GLT8D2: variants seen among roughly 807,000 people sequenced by gnomAD.
The protein encoded by GLT8D2 is glycosyltransferase 8 domain containing 2.
A neutral mutation model predicts 44.5 loss-of-function variants in GLT8D2; 45 were observed. The observed-to-expected ratio is 1.01, with a 90% CI of 0.80 to 1.30. GLT8D2 has a LOEUF of 1.30. GLT8D2 is among the 50% of genes most tolerant of loss of function. The pLI is 0.00. For synonymous variants in GLT8D2, 156 were observed against 157.2 expected (o/e 0.99, Z 0.06); for missense variants, 400 against 430.4 (o/e 0.93, Z 0.62).
chr12:104,045,916 A>AAAGAAAGG (rs1881047169), intron 1 of GLT8D2, among the ~76,000 whole-genome samples: 1 of 148,514 alleles, frequency 6.7e-6, no homozygotes, highest in African/African-American at 2.5e-5. Context: ...AGAAAGAAAG[A>AAAGAAAGG]AAGAAAGAAA....
chr12:104,022,391 T>C (rs1009776033), intron 1 of GLT8D2, among the ~76,000 whole-genome samples: 2 of 152,170 alleles, frequency 1.3e-5, no homozygotes, highest in African/African-American at 2.4e-5. Context: ...GATATGCCTG[T>C]TTCACATTGT....
chr12:104,003,838 C>A (rs187655361), intron 4 of GLT8D2, among the ~76,000 whole-genome samples: 1 of 152,092 alleles, frequency 6.6e-6, no homozygotes, highest in African/African-American at 2.4e-5. Flanking sequence ...AACCATACCC[C>A]CAAAGAGTTA....
At chr12:104,016,701 A>G (rs367696342) in intron 3 of GLT8D2, among the ~76,000 whole-genome samples, 4 of 100,030 alleles carry the variant, frequency 4.0e-5, no homozygotes, top group African/African-American at 6.9e-5. Flanking sequence ...GAAAGAAAGA[A>G]AGGGAGAGAG....
chr12:104,014,451 A>T (rs79512011), intron 4 of GLT8D2: 17,627 of 583,890 alleles, frequency 0.03, 533 homozygotes, highest in South Asian at 0.088. Flanking sequence ...TGAAGGTGCC[A>T]TCTCAGGCAA....
chr12:103,992,657 G>A (rs888741578), intron 10 of GLT8D2, among the ~76,000 whole-genome samples: 42 of 151,888 alleles, frequency 2.8e-4, no homozygotes, highest in Admixed American at 1.4e-3. Flanking sequence ...CATGCCCAGC[G>A]AATTTTTATA....
At chr12:103,990,932 T>C (rs1418570063) in intron 10 of GLT8D2, among the ~76,000 whole-genome samples, 1 of 152,214 alleles carries the variant, frequency 6.6e-6, no homozygotes, top group Admixed American at 6.5e-5. Flanking sequence ...TAGCTAAATA[T>C]ATTTTGTAAA....
intron 1 of GLT8D2, among the ~76,000 whole-genome samples, chr12:104,041,698 A>G (rs1880570643): frequency 6.6e-6 from 1 of 152,218 alleles, no homozygotes; most frequent in Non-Finnish European, 1.5e-5. Context: ...CTCAACCTCT[A>G]CGAATATACC....
intron 1 of GLT8D2, among the ~76,000 whole-genome samples, chr12:104,024,898 C>T (rs1878355980): frequency 1.3e-5 from 2 of 151,820 alleles, no homozygotes; most frequent in African/African-American, 4.8e-5. Flanking sequence ...TGGTGAAACC[C>T]TTTCTCTACT....
At chr12:104,058,470 G>T (rs1376497036) in intron 1 of GLT8D2, among the ~76,000 whole-genome samples, 1 of 152,116 alleles carries the variant, frequency 6.6e-6, no homozygotes, top group Non-Finnish European at 1.5e-5. Context: ...TTTTCCATTG[G>T]GGGGTGTGAA....
intron 10 of GLT8D2, among the ~76,000 whole-genome samples, chr12:103,990,383 C>A (rs1023234204): frequency 6.6e-6 from 1 of 151,986 alleles, no homozygotes; most frequent in East Asian, 1.9e-4. Flanking sequence ...CTATCTATCT[C>A]CACCTGAACA....
At chr12:104,059,979 A>G (rs926590523) in intron 1 of GLT8D2, among the ~76,000 whole-genome samples, 1 of 152,152 alleles carries the variant, frequency 6.6e-6, no homozygotes, top group Non-Finnish European at 1.5e-5. Flanking sequence ...TTTCTAACTC[A>G]TGCTTCAGTT....
Position 103,997,461 on chromosome 12 carries a change from T to A in GLT8D2, c.477A>T (p.Val159=). The change falls in exon 7 of 11, where the codon GTA becomes GTT. Residue 159 remains valine (V), a synonymous_variant. Transcript: ENST00000360814. Reference sequence around the variant, plus strand: ...AGTTAGCGAGAGTACCTTGTACAATTACATCATCGTCCAAATAGATGACTT... The same window carrying A: ...AGTTAGCGAGAGTACCTTGTACAATAACATCATCGTCCAAATAGATGACTT... The part of the protein sequence containing the change: ...HEKVIYLDDD[V]IVQGDIQELY... 6.2e-7 allele frequency: 1 copy of A among 1,610,978 alleles called. No homozygotes were observed. The highest frequency in any genetic ancestry group is 8.5e-7 in the Non-Finnish European group (1 of 1,177,076).
At chr12:104,005,603 A>G (rs1277002906) in intron 4 of GLT8D2, among the ~76,000 whole-genome samples, 5 of 152,264 alleles carry the variant, frequency 3.3e-5, no homozygotes, top group African/African-American at 1.2e-4. Context: ...AAAAGAAGAC[A>G]TTTATGCAAC....
chr12:104,062,308 G>A (rs1010879726), intron 1 of GLT8D2, among the ~76,000 whole-genome samples: 39 of 152,116 alleles, frequency 2.6e-4, no homozygotes, highest in African/African-American at 9.4e-4. Context: ...CCTGACCTCA[G>A]GTAATCTGCC....
At chr12:104,013,522 T>C (rs761828993) in intron 4 of GLT8D2, among the ~76,000 whole-genome samples, 3 of 152,202 alleles carry the variant, frequency 2.0e-5, no homozygotes, top group Non-Finnish European at 4.4e-5. Context: ...TTTGTATATA[T>C]GTCTTTGTAT....
Position 104,008,768 on chromosome 12 carries a change from A to C in GLT8D2, c.113-5462T>G, listed in dbSNP as rs556727976. On this transcript the variant is annotated intron_variant, in intron 4 of 10. Transcript: ENST00000360814. ...CAGGGTCCTGTGCTGCATGCAGCCT[A>C]GGGACGTGGTGCCCTGTGTCCCAGC... 1.8e-3 allele frequency among the ~76,000 whole-genome samples: 267 copies of C among 152,334 alleles called. 1 individual carries two copies. The highest frequency in any genetic ancestry group is 6.2e-3 in the African/African-American group (259 of 41,590).
intron 6 of GLT8D2, among the ~76,000 whole-genome samples, 168 bp from the exon 7 acceptor site, chr12:103,997,703 C>T (rs1196307646): frequency 1.3e-5 from 2 of 152,058 alleles, no homozygotes; most frequent in Admixed American, 1.3e-4. Context: ...CAGTGCCCAA[C>T]TTATCTGAGG....
At chr12:104,055,033 C>T (rs1882058892), upstream of GLT8D2, among the ~76,000 whole-genome samples, 1 of 152,200 alleles carries the variant, frequency 6.6e-6, no homozygotes, top group Non-Finnish European at 1.5e-5. Flanking sequence ...TACCCTGGGG[C>T]TAGCAATAGC....
chr12:104,032,488 AAAAT>A (rs1388016833), intron 1 of GLT8D2, among the ~76,000 whole-genome samples: 20 of 136,790 alleles, frequency 1.5e-4, no homozygotes, highest in Non-Finnish European at 1.8e-4. Context: ...AAAAAAAAAA[AAAAT>A]AGGCAAAGGA....
Sources: gnomAD v4.1 joint callset for allele counts (sites outside exome capture counted in the v4.1 genomes callset) on GRCh38, gnomAD v4.1.1 for gene constraint, MANE v1.5 for transcripts, NCBI Gene and HGNC (gene_info 2026-07-23, HGNC 2026-07-21) for gene names.